The following FSTL5 variants were observed in gnomAD, a reference collection of about 807,000 sequenced individuals.
FSTL5 encodes the protein follistatin like 5.
FSTL5 carries 62 observed loss-of-function variants against 89.1 expected under a neutral mutation model. The observed-to-expected ratio is 0.70, with a 90% confidence interval of 0.57 to 0.86. The LOEUF is 0.86. Among genes scored for constraint, FSTL5 ranks in the 40% least tolerant of loss-of-function variants. The pLI is 0.00. For synonymous variants in FSTL5, 383 were observed against 346.2 expected, an observed-to-expected ratio of 1.11 and a Z score of -1.18; for missense variants, 1,057 against 1,001.6, an observed-to-expected ratio of 1.06 and a Z score of -0.75.
chr4:161,431,946 T>G (rs1732389707), intron 15 of FSTL5, among the ~76,000 whole-genome samples: 1 of 152,028 alleles, frequency 6.6e-6, no homozygotes, highest in South Asian at 2.1e-4. Context: ...ATCCAATAGT[T>G]AAGCACCCAG....
chr4:162,119,402 C>T (rs1159741592), intron 1 of FSTL5, among the ~76,000 whole-genome samples: 1 of 152,124 alleles, frequency 6.6e-6, no homozygotes, highest in Non-Finnish European at 1.5e-5. Context: ...TAAACAAATG[C>T]TGTAATAATG....
intron 7 of FSTL5, among the ~76,000 whole-genome samples, chr4:161,634,996 G>A (rs1735637095): frequency 6.6e-6 from 1 of 151,936 alleles, no homozygotes; most frequent in African/African-American, 2.4e-5. Context: ...TGTCATAAAT[G>A]TATACTACAA....
At chr4:161,777,925 C>T (rs1425001838) in intron 4 of FSTL5, among the ~76,000 whole-genome samples, 1 of 152,072 alleles carries the variant, frequency 6.6e-6, no homozygotes, top group Non-Finnish European at 1.5e-5. Context: ...GAAACCCTGT[C>T]TCTACTAAAA....
chr4:161,428,477 G>A (rs1196732015), intron 15 of FSTL5, among the ~76,000 whole-genome samples: 1 of 152,178 alleles, frequency 6.6e-6, no homozygotes. Context: ...CTCTAATTAA[G>A]GTGAGGAGAA....
chr4:161,786,161 A>T (rs1199937650), intron 4 of FSTL5, among the ~76,000 whole-genome samples: 1 of 152,044 alleles, frequency 6.6e-6, no homozygotes, highest in Admixed American at 6.5e-5. Context: ...ATATAATTGT[A>T]AATATTAAAA....
chr4:162,019,579 T>A (rs551675559), intron 3 of FSTL5, among the ~76,000 whole-genome samples: 1 of 151,950 alleles, frequency 6.6e-6, no homozygotes, highest in African/African-American at 2.4e-5. Context: ...TTTCATATGA[T>A]TGTATAATGG....
At chr4:162,041,751 A>G (rs912543492) in intron 2 of FSTL5, 4 of 152,132 alleles carry the variant, frequency 2.6e-5, no homozygotes, top group African/African-American at 4.8e-5. Context: ...CATGCACTTG[A>G]CAAAAAAAAA....
At chr4:162,024,042 T>C (rs1392148232) in intron 3 of FSTL5, among the ~76,000 whole-genome samples, 1 of 152,114 alleles carries the variant, frequency 6.6e-6, no homozygotes, top group Non-Finnish European at 1.5e-5. Context: ...TACTAGGCCC[T>C]GTAAAAAAAG....
In FSTL5 at chr4:161,708,562, C is replaced by T. The variant is rs570212528; in HGVS notation, c.727+50849G>A. On this transcript the variant is annotated intron_variant, in intron 6 of 15. Transcript: ENST00000306100. Reference sequence around the variant, plus strand: ...ATTTCATGTTATATGCATCATTTAGCGCCTTCAGTCTTTACTTATGCTAAA... The same window carrying T: ...ATTTCATGTTATATGCATCATTTAGTGCCTTCAGTCTTTACTTATGCTAAA... Among the ~76,000 whole-genome samples, 144 of 151,986 alleles carry T rather than the reference C, an allele frequency of 9.5e-4. 1 individual carries two copies. The highest frequency in any genetic ancestry group is 3.2e-3 in the African/African-American group (134 of 41,480).
At chr4:161,811,079 T>A (rs1730122939) in intron 4 of FSTL5, among the ~76,000 whole-genome samples, 1 of 152,064 alleles carries the variant, frequency 6.6e-6, no homozygotes, top group Non-Finnish European at 1.5e-5. Context: ...ATATAAATAG[T>A]GAACATAAAT....
At chr4:161,410,778 G>A (rs555854629) in intron 15 of FSTL5, among the ~76,000 whole-genome samples, 1 of 151,674 alleles carries the variant, frequency 6.6e-6, no homozygotes, top group African/African-American at 2.4e-5. Flanking sequence ...AAGTTAGAAA[G>A]TTCTCAAATT....
intron 4 of FSTL5, among the ~76,000 whole-genome samples, chr4:161,880,895 G>A (rs1301287948): frequency 6.6e-6 from 1 of 152,088 alleles, no homozygotes; most frequent in African/African-American, 2.4e-5. Flanking sequence ...GGAATAAAGA[G>A]AAGATGTGAT....
intron 1 of FSTL5, among the ~76,000 whole-genome samples, chr4:162,114,595 T>G (rs114720556): frequency 6.6e-6 from 1 of 151,224 alleles, no homozygotes; most frequent in African/African-American, 2.4e-5. Context: ...AAATATTTCA[T>G]GCATTATAAA....
At chr4:161,869,342 T>C (rs1429941425) in intron 4 of FSTL5, among the ~76,000 whole-genome samples, 4 of 152,234 alleles carry the variant, frequency 2.6e-5, no homozygotes, top group African/African-American at 4.8e-5. Flanking sequence ...ATTAAAGTTG[T>C]TAGAATATCG....
intron 7 of FSTL5, among the ~76,000 whole-genome samples, chr4:161,603,226 C>G (rs1734312776): frequency 6.6e-6 from 1 of 152,056 alleles, no homozygotes; most frequent in South Asian, 2.1e-4. Flanking sequence ...CCATTGCAAT[C>G]AAGTGAATAT....
At chr4:161,677,253 C>A (rs1189089647) in intron 6 of FSTL5, among the ~76,000 whole-genome samples, 1 of 151,028 alleles carries the variant, frequency 6.6e-6, no homozygotes. Context: ...AGAAAGAATA[C>A]AATGAGACAG....
intron 7 of FSTL5, among the ~76,000 whole-genome samples, chr4:161,590,493 C>T (rs142447787): frequency 0.021 from 3,200 of 152,226 alleles, 81 homozygotes; most frequent in South Asian, 0.14. Flanking sequence ...GAGCCGAAAT[C>T]GTGCCACTGC....
intron 4 of FSTL5, among the ~76,000 whole-genome samples, chr4:161,871,994 T>A (rs952171537): frequency 3.5e-4 from 20 of 56,982 alleles, no homozygotes; most frequent in African/African-American, 7.1e-4. Flanking sequence ...ATAATTTTTT[T>A]AATTTTTTTT....
chr4:161,784,452 A>T (rs983804919), intron 4 of FSTL5, among the ~76,000 whole-genome samples: 3 of 152,156 alleles, frequency 2.0e-5, no homozygotes, highest in African/African-American at 7.2e-5. Flanking sequence ...GACTGCATCA[A>T]ATATAGTCAA....
Sources: allele counts gnomAD v4.1 joint callset (sites outside exome capture counted in the v4.1 genomes callset), GRCh38; gene constraint gnomAD v4.1.1; transcripts MANE v1.5; gene names NCBI Gene and HGNC (gene_info 2026-07-23, HGNC 2026-07-21).